WASHC5: variants seen among roughly 807,000 people sequenced by gnomAD.
WASHC5 encodes the protein WASH complex subunit 5.
A neutral mutation model predicts 150.4 loss-of-function variants in WASHC5; 101 were observed. The observed-to-expected ratio is 0.67, with a 90% CI of 0.57 to 0.79. WASHC5 has a LOEUF of 0.79. WASHC5 is among the 30% of genes least tolerant of loss of function. WASHC5 has a pLI of 0.00. For missense variants in WASHC5, 1,195 were observed against 1,396.3 expected, an observed-to-expected ratio of 0.86 and a Z score of 2.30; for synonymous variants, 467 against 491.2, an observed-to-expected ratio of 0.95 and a Z score of 0.65.
In WASHC5 at chr8:125,024,670, CA is replaced by C. The variant is rs1349186525; in HGVS notation, c.3426del (p.Ala1143LeufsTer38). 1.2e-6 allele frequency: 2 copies of C among 1,604,796 alleles called. No homozygotes were observed. Among genetic ancestry groups the C allele is most frequent in the Non-Finnish European group, 1.7e-6 (2 of 1,171,760 alleles). Reference protein sequence around the residue: ...YVRYTKLPRRVAEAHVPNFIF... With the variant: ...YVRYTKLPRRXAEAHVPNFIF... Reference sequence around the variant, plus strand: ...ATGAAATTAGGCACATGTGCTTCAGCAACCTGAAAAATTAAAGAATTAAATT... The same window carrying C: ...ATGAAATTAGGCACATGTGCTTCAGCACCTGAAAAATTAAAGAATTAAATT... On this transcript the variant is annotated frameshift_variant and splice_region_variant, in exon 29 of 29. Transcript: ENST00000318410. LOFTEE classifies it high-confidence loss of function.
At chr8:125,083,075 T>G in intron 3 of WASHC5, 38 bp downstream of exon 3, 3 of 1,326,160 alleles carry the variant, frequency 2.3e-6, no homozygotes, top group Non-Finnish European at 3.2e-6. Context: ...TCTCCACTAT[T>G]TACTACCAGA....
intron 26 of WASHC5, among the ~76,000 whole-genome samples, chr8:125,035,472 G>C (rs1815674613): frequency 1.3e-5 from 2 of 152,234 alleles, no homozygotes; most frequent in South Asian, 4.1e-4. Context: ...GAGAGAACAT[G>C]AATCTCTGAA....
intron 28 of WASHC5, among the ~76,000 whole-genome samples, chr8:125,028,391 T>G (rs1815431256): frequency 6.6e-6 from 1 of 152,090 alleles, no homozygotes; most frequent in Non-Finnish European, 1.5e-5. Flanking sequence ...CAGGAGTACA[T>G]GGTGGAGAGG....
chr8:125,055,994 C>G (rs74895604), intron 16 of WASHC5, among the ~76,000 whole-genome samples: 10,608 of 152,276 alleles, frequency 0.07, 498 homozygotes, highest in Middle Eastern at 0.27. Flanking sequence ...GGTAACCTCC[C>G]CTTCCCTGGC....
At chr8:125,032,896 G>A (rs910233130) in intron 26 of WASHC5, among the ~76,000 whole-genome samples, 2 of 151,818 alleles carry the variant, frequency 1.3e-5, no homozygotes, top group African/African-American at 4.8e-5. Flanking sequence ...TGAAGTGAAT[G>A]AGTATCAAAG....
intron 17 of WASHC5, among the ~76,000 whole-genome samples, chr8:125,051,492 C>T (rs370854219): frequency 1.3e-5 from 2 of 152,144 alleles, no homozygotes; most frequent in Admixed American, 1.3e-4. Flanking sequence ...GCCAGAGAAA[C>T]ACATTAAACT....
intron 26 of WASHC5, 156 bp from the exon 27 acceptor site, chr8:125,032,550 T>A: frequency 2.4e-6 from 2 of 848,810 alleles, no homozygotes; most frequent in Non-Finnish European, 1.9e-6. Context: ...TATTTTGAAT[T>A]AGCCACAGGA....
chr8:125,059,303 A>G lies in WASHC5; in HGVS notation c.1689-6T>C. On this transcript the variant is annotated splice_region_variant and splice_polypyrimidine_tract_variant and intron_variant, in intron 13 of 28. Coordinates refer to ENST00000318410, the MANE Select transcript of WASHC5 (RefSeq NM_014846.4). Reference sequence around the variant, plus strand: ...CTTGCATGATGGATGTGAAACTGTAAAAAGAAAAGAAACGGTAAGAAGATG... The same window carrying G: ...CTTGCATGATGGATGTGAAACTGTAGAAAGAAAAGAAACGGTAAGAAGATG... The G allele has an allele frequency of 1.9e-6, 3 of 1,613,920 alleles. No homozygotes were observed. Among genetic ancestry groups the G allele is most frequent in the Non-Finnish European group, 2.5e-6 (3 of 1,179,822 alleles).
chr8:125,071,528 C>G (rs1004803622), intron 9 of WASHC5, among the ~76,000 whole-genome samples: 1 of 152,170 alleles, frequency 6.6e-6, no homozygotes, highest in Admixed American at 6.5e-5. Context: ...TCCATCATTT[C>G]TGTAGTCTAG....
At position 125,044,020 on chromosome 8, in the gene WASHC5, A is replaced by G; in HGVS notation, c.2742T>C (p.Asn914=). 1 of 1,613,750 alleles carries G rather than the reference A, an allele frequency of 6.2e-7. No homozygotes were observed. The highest frequency in any genetic ancestry group is 8.5e-7 in the Non-Finnish European group (1 of 1,179,622). Residue 914 remains asparagine, a synonymous_variant, in exon 22 of 29, where the codon AAT becomes AAC. Transcript: ENST00000318410. ...CAATACTTTTTAGGGGACTGACAGC[A>G]TTCATGAGGGTTTTTAAAGTGTCCT... The part of the protein sequence containing the change: ...TVQDTLKTLM[N]AVSPLKSIVA...
chr8:125,049,064 A>G lies in WASHC5; in HGVS notation c.2321T>C (p.Val774Ala). The change falls in exon 19 of 29, where the codon GTA becomes GCA. Residue 774 changes from valine (V) to alanine (A), a missense_variant. Coordinates refer to ENST00000318410, the MANE Select transcript of WASHC5 (RefSeq NM_014846.4). ...CACGTTGTAATTTATGATACGAGAT[A>G]CTTCTTCCTGCCAAATCTTCAGACC... ...IYGLKIWQEE[V>A]SRIINYNVEQ... is the part of the protein sequence containing the mutation. 6.2e-7 allele frequency: 1 copy of G among 1,613,986 alleles called. No individual in the cohort carries two copies. The highest frequency in any genetic ancestry group is 1.1e-5 in the South Asian group (1 of 91,076).
At chr8:125,056,839 G>GA (rs752451843) in intron 15 of WASHC5, 22 bp from the exon 16 acceptor site, 2 of 1,614,038 alleles carry the variant, frequency 1.2e-6, no homozygotes, top group South Asian at 2.2e-5. Flanking sequence ...AGGAAAGCAG[G>GA]AAACGCAATG....
In WASHC5 at chr8:125,056,910, G is replaced by T. The variant is rs1472911502; in HGVS notation, c.1876-93C>A. The T allele has an allele frequency of 4.8e-6, 7 of 1,466,402 alleles. No individual in the cohort carries two copies. The East Asian group carries it at 6.8e-5, about 14-fold the overall frequency. 90.8% of individuals were successfully genotyped at this position (1,466,402 alleles called of 1,614,324 possible). ...AGGATGCCTAATTTGTCTATATAGG[G>T]GGATGCTGAAAAATGTAAAAGAGCT... On this transcript the variant is annotated intron_variant, in intron 15 of 28. Coordinates refer to ENST00000318410, the MANE Select transcript of WASHC5 (RefSeq NM_014846.4).
intron 6 of WASHC5, among the ~76,000 whole-genome samples, chr8:125,076,744 T>TAAAA (rs59580091): frequency 7.6e-6 from 1 of 132,272 alleles, no homozygotes; most frequent in African/African-American, 3.2e-5. Context: ...AGTCTTTTCT[T>TAAAA]AAAAAAAAAA....
rs999602170 is a variant in WASHC5 at position 125,083,992 on chromosome 8, T to G, written c.-94A>C. The G allele has an allele frequency of 4.1e-6, 5 of 1,212,484 alleles. No individual in the cohort carries two copies. Among genetic ancestry groups the G allele is most frequent in the Non-Finnish European group, 4.8e-6 (4 of 838,076 alleles). 75.1% of individuals were successfully genotyped at this position (1,212,484 alleles called of 1,614,324 possible). A position where few individuals can be genotyped will look rare whatever the true frequency, so the allele number is the denominator to read the frequency against. Reference sequence around the variant, plus strand: ...GTATATTATTAGATGAAACCAGGTGTGCAGAGAGATTGGCTCCTCCATTAA... The same window carrying G: ...GTATATTATTAGATGAAACCAGGTGGGCAGAGAGATTGGCTCCTCCATTAA... On this transcript the variant is annotated 5_prime_UTR_variant, in exon 2 of 29. Transcript: ENST00000318410.
Position 125,044,538 on chromosome 8 carries a change from G to A in WASHC5, c.2665C>T (p.Gln889Ter). The A allele has an allele frequency of 6.2e-7, 1 of 1,613,940 alleles. No individual in the cohort carries two copies. Among genetic ancestry groups the A allele is most frequent in the Non-Finnish European group, 8.5e-7 (1 of 1,179,818 alleles). Residue 889 changes from glutamine (Q) to a stop codon, truncating the protein, a stop_gained and splice_region_variant, in exon 21 of 29, where the codon CAG (glutamine) becomes TAG (stop). Transcript: ENST00000318410. LOFTEE classifies it high-confidence loss of function. ...LLCFMIVKEL[Q>*]NFLSMFQKII... ...GGCATGAAAGTCAAAAGGCTCACCT[G>A]TAACTCTTTTACAATCATAAAGCAC...
intron 10 of WASHC5, among the ~76,000 whole-genome samples, chr8:125,065,057 C>T (rs1391309875): frequency 6.6e-6 from 1 of 152,172 alleles, no homozygotes; most frequent in African/African-American, 2.4e-5. Context: ...GGCGTCAAGC[C>T]CTTCAAACAC....
intron 1 of WASHC5, among the ~76,000 whole-genome samples, chr8:125,090,557 T>C (rs748983931): frequency 6.6e-6 from 1 of 152,266 alleles, no homozygotes; most frequent in African/African-American, 2.4e-5. Flanking sequence ...CTTTTACAAG[T>C]GCCGGTAACT....
intron 1 of WASHC5, among the ~76,000 whole-genome samples, chr8:125,085,273 T>C (rs981794303): frequency 1.3e-5 from 2 of 152,222 alleles, no homozygotes; most frequent in Non-Finnish European, 2.9e-5. Context: ...GGTATTCTTA[T>C]ACTGGGTGAT....
Sources: gnomAD v4.1 joint callset for allele counts (sites outside exome capture counted in the v4.1 genomes callset) on GRCh38, gnomAD v4.1.1 for gene constraint, MANE v1.5 for transcripts, NCBI Gene and HGNC (gene_info 2026-07-23, HGNC 2026-07-21) for gene names.